Variants in DPP10 observed in about 807,000 individuals in gnomAD.
The protein encoded by DPP10 is dipeptidyl peptidase like 10.
DPP10 carries 33 observed loss-of-function variants against 120.9 expected under a neutral mutation model. The observed-to-expected ratio is 0.27, with a 90% CI of 0.21 to 0.37. The LOEUF (loss-of-function observed/expected upper bound fraction) is 0.37. Ranked by LOEUF, DPP10 falls within the 10% of genes least tolerant of loss-of-function variation. The pLI, the probability that DPP10 is intolerant of heterozygous loss-of-function variation, is 1.00. For missense variants in DPP10, 816 were observed against 942.8 expected, an observed-to-expected ratio of 0.87 and a Z score of 1.76; for synonymous variants, 337 against 326.1, an observed-to-expected ratio of 1.03 and a Z score of -0.36.
chr2:114,995,337 G>T (rs1701011339), intron 1 of DPP10, among the ~76,000 whole-genome samples: 2 of 151,944 alleles, frequency 1.3e-5, no homozygotes, highest in South Asian at 4.1e-4. Context: ...TCTTGATTAA[G>T]TCTCTTTCCC....
chr2:115,782,809 T>C (rs1224200828), intron 17 of DPP10, among the ~76,000 whole-genome samples: 1 of 152,126 alleles, frequency 6.6e-6, no homozygotes, highest in African/African-American at 2.4e-5. Context: ...TTTTCTATCC[T>C]GTTTGTTCCA....
intron 21 of DPP10, among the ~76,000 whole-genome samples, chr2:115,823,866 C>A (rs933675347): frequency 1.3e-5 from 2 of 152,034 alleles, no homozygotes; most frequent in African/African-American, 4.8e-5. Context: ...ATGTAAAAAG[C>A]GATGTGATTC....
At chr2:115,142,148 T>C (rs1234724497) in intron 1 of DPP10, among the ~76,000 whole-genome samples, 2 of 152,172 alleles carry the variant, frequency 1.3e-5, no homozygotes, top group East Asian at 1.9e-4. Flanking sequence ...TTTATATATA[T>C]AGACAGCCAG....
intron 3 of DPP10, among the ~76,000 whole-genome samples, chr2:115,432,659 T>TTTGTG (rs1219114609): frequency 7.3e-6 from 1 of 137,672 alleles, no homozygotes; most frequent in Non-Finnish European, 1.6e-5. Context: ...ATAGGCAATT[T>TTTGTG]TGTGTGTGTG....
At chr2:114,661,026 A>T (rs1226408136) in intron 1 of DPP10, among the ~76,000 whole-genome samples, 1 of 152,240 alleles carries the variant, frequency 6.6e-6, no homozygotes, top group East Asian at 1.9e-4. Context: ...AGAATTATAC[A>T]GCCACGACCT....
At chr2:115,840,949 A>G in intron 25 of DPP10, 126 bp downstream of exon 25, 1 of 721,640 alleles carries the variant, frequency 1.4e-6, no homozygotes, top group Non-Finnish European at 2.1e-6. Context: ...TTAGTTACCA[A>G]AGATTGTGTT....
intron 1 of DPP10, among the ~76,000 whole-genome samples, chr2:114,977,600 A>G (rs939705423): frequency 1.3e-5 from 2 of 151,796 alleles, no homozygotes; most frequent in Middle Eastern, 3.2e-3. Flanking sequence ...CAAGTCAGCA[A>G]CCTCCCACAC....
intron 3 of DPP10, among the ~76,000 whole-genome samples, chr2:115,475,207 C>G (rs1303566212): frequency 6.6e-6 from 1 of 152,154 alleles, no homozygotes; most frequent in Non-Finnish European, 1.5e-5. Context: ...TTTTGAGGGC[C>G]AAGTCCAGGG....
chr2:114,851,574 T>C (rs1688947296), intron 1 of DPP10, among the ~76,000 whole-genome samples: 2 of 152,204 alleles, frequency 1.3e-5, no homozygotes, highest in Admixed American at 1.3e-4. Context: ...AATCTTACAC[T>C]TAAGATTCTC....
intron 1 of DPP10, among the ~76,000 whole-genome samples, chr2:114,478,447 T>C (rs1223940747): frequency 1.3e-5 from 2 of 152,012 alleles, no homozygotes; most frequent in African/African-American, 4.8e-5. Flanking sequence ...ACAAAAAACC[T>C]AAAATTAACA....
intron 5 of DPP10, among the ~76,000 whole-genome samples, chr2:115,603,592 T>C (rs2083504707): frequency 6.8e-6 from 1 of 146,110 alleles, no homozygotes; most frequent in Non-Finnish European, 1.5e-5. Flanking sequence ...TTTGGATTTC[T>C]TGACAGCTCT....
At chr2:114,627,322 T>C (rs1272155358) in intron 1 of DPP10, among the ~76,000 whole-genome samples, 1 of 152,156 alleles carries the variant, frequency 6.6e-6, no homozygotes, top group Non-Finnish European at 1.5e-5. Flanking sequence ...CTTCTCAAAA[T>C]ACATTTTTCA....
chr2:115,709,566 C>T (rs545994210), intron 7 of DPP10, among the ~76,000 whole-genome samples: 4 of 150,680 alleles, frequency 2.7e-5, no homozygotes, highest in Non-Finnish European at 4.4e-5. Flanking sequence ...GACAGATACA[C>T]GAAGAATATT....
At chr2:115,797,122 A>G (rs928315415) in intron 19 of DPP10, among the ~76,000 whole-genome samples, 1 of 152,082 alleles carries the variant, frequency 6.6e-6, no homozygotes, top group Non-Finnish European at 1.5e-5. Flanking sequence ...AACATTTTCC[A>G]CATGTACTAT....
intron 7 of DPP10, among the ~76,000 whole-genome samples, chr2:115,691,490 A>T (rs1459634111): frequency 6.6e-6 from 1 of 152,086 alleles, no homozygotes; most frequent in Non-Finnish European, 1.5e-5. Context: ...TTAACTATTC[A>T]TCTGCAGTGT....
rs191146320 is a variant in DPP10 at position 115,124,159 on chromosome 2, T to C, written c.61-185080T>C. ...GCTCTTGCCATCTTGCCCAGGCTGC[T>C]CACAAACTCCTAGACTCAAGCGATC... On this transcript the variant is annotated intron_variant, in intron 1 of 25. Coordinates refer to ENST00000410059, the MANE Select transcript of DPP10 (RefSeq NM_020868.6). Among the ~76,000 whole-genome samples the C allele has an allele frequency of 3.6e-3, 546 of 152,148 alleles. 5 individuals are homozygous for C. Among genetic ancestry groups the C allele is most frequent in the African/African-American group, 0.013 (524 of 41,506 alleles).
In DPP10 at chr2:115,844,793, G is replaced by A. The variant is rs975693014; in HGVS notation, c.*2448G>A. 2 of 152,144 alleles carry A rather than the reference G, an allele frequency of 1.3e-5. No individual in the cohort carries two copies. The highest frequency in any genetic ancestry group is 2.9e-5 in the Non-Finnish European group (2 of 68,024). 9.4% of individuals were successfully genotyped at this position (152,144 alleles called of 1,614,324 possible). A position where few individuals can be genotyped will look rare whatever the true frequency, so the allele number is the denominator to read the frequency against. On this transcript the variant is annotated 3_prime_UTR_variant, in exon 26 of 26. Coordinates refer to ENST00000410059, the MANE Select transcript of DPP10 (RefSeq NM_020868.6). Reference sequence around the variant, plus strand: ...TTGAATTCTTTAATTAAATAGGTAAGCAGTATTAAATCATCCACAGAGATA... The same window carrying A: ...TTGAATTCTTTAATTAAATAGGTAAACAGTATTAAATCATCCACAGAGATA...
chr2:115,118,563 G>GT (rs1199633077), intron 1 of DPP10, among the ~76,000 whole-genome samples: 1 of 152,008 alleles, frequency 6.6e-6, no homozygotes, highest in African/African-American at 2.4e-5. Flanking sequence ...AGGCAAGTTT[G>GT]TTTTTTTGTT....
At chr2:115,772,611 C>T (rs565614596) in intron 13 of DPP10, among the ~76,000 whole-genome samples, 1 of 152,240 alleles carries the variant, frequency 6.6e-6, no homozygotes, top group East Asian at 1.9e-4. Context: ...CTTCCTGAGT[C>T]ATACACTGAT....
Sources: gnomAD v4.1 joint callset for allele counts (sites outside exome capture counted in the v4.1 genomes callset) on GRCh38, gnomAD v4.1.1 for gene constraint, MANE v1.5 for transcripts, NCBI Gene and HGNC (gene_info 2026-07-23, HGNC 2026-07-21) for gene names.